PARD3: variants seen among roughly 807,000 people sequenced by gnomAD.
PARD3 encodes the protein partitioning defective 3 homolog.
Under a neutral mutation model 155.4 loss-of-function variants are expected in PARD3, and 75 were observed. The ratio of observed to expected loss-of-function variants is 0.48; its 90% CI spans 0.40 to 0.58. The LOEUF is 0.58. Among genes scored for constraint, PARD3 ranks in the 20% least tolerant of loss-of-function variants. PARD3 has a pLI of 0.00. For missense variants in PARD3, 1,642 were observed against 1,721.7 expected, an observed-to-expected ratio of 0.95 and a Z score of 0.82; for synonymous variants, 576 against 610.5, an observed-to-expected ratio of 0.94 and a Z score of 0.83.
chr10:34,555,247 C>T (rs972459015), intron 2 of PARD3, among the ~76,000 whole-genome samples: 1 of 152,174 alleles, frequency 6.6e-6, no homozygotes, highest in Non-Finnish European at 1.5e-5. Context: ...CTGTACCTTG[C>T]ACTCAATTCT....
At position 34,522,663 on chromosome 10, in the gene PARD3, C is replaced by T. The variant is rs1174495933; in HGVS notation, c.223-5504G>A. On this transcript the variant is annotated intron_variant, in intron 2 of 24. Coordinates refer to ENST00000374788, the MANE Select transcript of PARD3 (RefSeq NM_001184785.2). ...AGGAATAGTAATGGGAAAAAGAACA[C>T]GGAAAGAAGACAGCATGCTAGAAAA... 2.6e-5 allele frequency among the ~76,000 whole-genome samples: 4 copies of T among 152,080 alleles called. No homozygotes were observed. In the East Asian group the frequency reaches 7.7e-4, roughly 29 times the overall value.
intron 2 of PARD3, among the ~76,000 whole-genome samples, chr10:34,547,465 T>C (rs116590550): frequency 1.9e-3 from 294 of 152,356 alleles, no homozygotes; most frequent in African/African-American, 6.0e-3. Flanking sequence ...GAGATAATCT[T>C]AGCACACATA....
At chr10:34,287,964 A>C (rs541450931) in intron 20 of PARD3, among the ~76,000 whole-genome samples, 1 of 152,294 alleles carries the variant, frequency 6.6e-6, no homozygotes, top group African/African-American at 2.4e-5. Flanking sequence ...CAATCCCAGC[A>C]TTTTGGGAGG....
At chr10:34,568,555 G>C (rs942394750) in intron 2 of PARD3, among the ~76,000 whole-genome samples, 3 of 152,148 alleles carry the variant, frequency 2.0e-5, no homozygotes, top group Non-Finnish European at 2.9e-5. Flanking sequence ...AAAGACTACA[G>C]AGATTATATT....
intron 21 of PARD3, among the ~76,000 whole-genome samples, chr10:34,272,186 A>G (rs1299907163): frequency 6.6e-6 from 1 of 152,238 alleles, no homozygotes; most frequent in Non-Finnish European, 1.5e-5. Flanking sequence ...GTTTAAATGT[A>G]AATGTAAAAG....
At chr10:34,297,480 A>AACACG (rs1956961593) in intron 20 of PARD3, among the ~76,000 whole-genome samples, 1 of 152,226 alleles carries the variant, frequency 6.6e-6, no homozygotes, top group Non-Finnish European at 1.5e-5. Flanking sequence ...GCTGGCAGAA[A>AACACG]TCATCACTGA....
chr10:34,630,842 GA>G, intron 2 of PARD3, among the ~76,000 whole-genome samples: 1 of 138,014 alleles, frequency 7.2e-6, no homozygotes, highest in Non-Finnish European at 1.6e-5. Flanking sequence ...TTTATTTATT[GA>G]AACAAGGGGT....
chr10:34,741,174 ATT>A (rs71033345), intron 1 of PARD3, among the ~76,000 whole-genome samples: 12 of 114,300 alleles, frequency 1.0e-4, no homozygotes, highest in Non-Finnish European at 1.2e-4. Context: ...CGTAAACCAA[ATT>A]TTTTTTTTTT....
intron 2 of PARD3, among the ~76,000 whole-genome samples, chr10:34,545,947 A>ATATATATATATGTTATATATAAAG (rs1222468873): frequency 3.9e-5 from 6 of 152,198 alleles, no homozygotes; most frequent in Non-Finnish European, 2.9e-5. Flanking sequence ...AAACATTAAC[A>ATATATATATATGTTATATATAAAG]TAGTATATAA....
intron 23 of PARD3, among the ~76,000 whole-genome samples, chr10:34,121,867 C>G (rs995217461): frequency 6.6e-6 from 1 of 152,208 alleles, no homozygotes; most frequent in African/African-American, 2.4e-5. Context: ...TTCACAACAC[C>G]GTTCAAATAA....
At chr10:34,583,691 T>G (rs1215797092) in intron 2 of PARD3, among the ~76,000 whole-genome samples, 2 of 152,154 alleles carry the variant, frequency 1.3e-5, no homozygotes, top group Non-Finnish European at 2.9e-5. Context: ...ACTGCACAGA[T>G]GAAATAAGAG....
chr10:34,487,057 G>C (rs2079527248), intron 3 of PARD3, among the ~76,000 whole-genome samples: 1 of 151,888 alleles, frequency 6.6e-6, no homozygotes. Context: ...TTTTCGGTCT[G>C]CTTGGGGCAC....
rs116345973 is a variant in PARD3 at position 34,176,744 on chromosome 10, A to C, written c.3420-45161T>G. 6.4e-3 allele frequency among the ~76,000 whole-genome samples: 972 copies of C among 152,310 alleles called. 14 individuals are homozygous for C. Among genetic ancestry groups the C allele is most frequent in the African/African-American group, 0.022 (911 of 41,558 alleles). ...GATCAGAAAATGACTACACTTAAAAACAAACAAAAAATATAGCTTGCAAAG... is the reference window on the plus strand; with the variant it reads ...GATCAGAAAATGACTACACTTAAAACCAAACAAAAAATATAGCTTGCAAAG... On this transcript the variant is annotated intron_variant, in intron 22 of 24. Transcript: ENST00000374788.
chr10:34,372,585 T>C, intron 11 of PARD3, 49 bp from the exon 12 acceptor site: 1 of 1,270,670 alleles, frequency 7.9e-7, no homozygotes, highest in Non-Finnish European at 1.2e-6. Flanking sequence ...AAAGCCATCT[T>C]CAACACACAG....
chr10:34,146,912 C>T (rs1231774438), intron 22 of PARD3, among the ~76,000 whole-genome samples: 1 of 152,152 alleles, frequency 6.6e-6, no homozygotes. Context: ...CAAATCGATA[C>T]AAGTAAACTG....
intron 2 of PARD3, among the ~76,000 whole-genome samples, chr10:34,543,579 T>C (rs1348888904): frequency 1.3e-5 from 2 of 152,218 alleles, no homozygotes. Context: ...AAGCTCCTCT[T>C]TGCTTTTCAA....
intron 22 of PARD3, among the ~76,000 whole-genome samples, chr10:34,254,987 G>GAATAAC (rs1954578572): frequency 6.6e-6 from 1 of 152,128 alleles, no homozygotes; most frequent in South Asian, 2.1e-4. Flanking sequence ...AGAAGGAAAA[G>GAATAAC]AATAACTAGA....
intron 3 of PARD3, among the ~76,000 whole-genome samples, chr10:34,478,053 T>C (rs2078827019): frequency 6.6e-6 from 1 of 152,210 alleles, no homozygotes; most frequent in Non-Finnish European, 1.5e-5. Context: ...TTTCCTAGAA[T>C]CTTTGGAAGA....
chr10:34,112,539 C>CAATTG (rs1452769929), intron 24 of PARD3, among the ~76,000 whole-genome samples: 5 of 152,102 alleles, frequency 3.3e-5, no homozygotes, highest in African/African-American at 1.2e-4. Flanking sequence ...GGGGGAGAGA[C>CAATTG]AATTGAGTAA....
Sources: gnomAD v4.1 joint callset for allele counts (sites outside exome capture counted in the v4.1 genomes callset) on GRCh38, gnomAD v4.1.1 for gene constraint, MANE v1.5 for transcripts, NCBI Gene and HGNC (gene_info 2026-07-23, HGNC 2026-07-21) for gene names.